Variants in NDRG3 observed in about 807,000 individuals in gnomAD.
NDRG3 encodes protein NDRG3.
Under a neutral mutation model 57.2 loss-of-function variants are expected in NDRG3, and 23 were observed. The ratio of observed to expected loss-of-function variants is 0.40; its 90% CI spans 0.29 to 0.57. NDRG3 has a LOEUF of 0.57. Among genes scored for constraint, NDRG3 ranks in the 20% least tolerant of loss-of-function variants. The pLI, the probability that NDRG3 is intolerant of heterozygous loss-of-function variation, is 0.42. For synonymous variants in NDRG3, 132 were observed against 162.6 expected (o/e 0.81, Z 1.43); for missense variants, 384 against 457.3 (o/e 0.84, Z 1.46).
At chr20:36,709,284 G>A (rs550779771) in intron 2 of NDRG3, among the ~76,000 whole-genome samples, 6 of 152,160 alleles carry the variant, frequency 3.9e-5, no homozygotes, top group Non-Finnish European at 8.8e-5. Context: ...ACATTTCCAT[G>A]ACTGCAGCAA....
intron 1 of NDRG3, among the ~76,000 whole-genome samples, chr20:36,744,196 C>T (rs1224683252): frequency 6.6e-6 from 1 of 152,134 alleles, no homozygotes; most frequent in African/African-American, 2.4e-5. Context: ...GCCGCAGCGC[C>T]CGGTCCATAA....
intron 12 of NDRG3, among the ~76,000 whole-genome samples, chr20:36,660,761 C>G (rs1168404397): frequency 6.6e-6 from 1 of 151,920 alleles, no homozygotes; most frequent in Non-Finnish European, 1.5e-5. Context: ...GGGGTTTCAC[C>G]GTGTTAGCCA....
chr20:36,662,433 GAACTCCTGACCTCAGGTGATCCACC>G (rs1172369756), intron 12 of NDRG3, among the ~76,000 whole-genome samples: 1 of 151,864 alleles, frequency 6.6e-6, no homozygotes, highest in East Asian at 1.9e-4. Context: ...GGCCAGGCTG[GAACTCCTGACCTCAGGTGATCCACC>G]AATCTCGGCC....
intron 2 of NDRG3, 136 bp from the exon 3 acceptor site, chr20:36,707,143 A>C: frequency 1.4e-6 from 1 of 736,226 alleles, no homozygotes; most frequent in Admixed American, 2.2e-5. Context: ...TCTCATCAGA[A>C]GGTTTCAGAG....
intron 1 of NDRG3, among the ~76,000 whole-genome samples, chr20:36,743,232 G>A (rs138095369): frequency 6.6e-6 from 1 of 152,316 alleles, no homozygotes; most frequent in Non-Finnish European, 1.5e-5. Context: ...GGAGGCTCAC[G>A]CCTGTAATCC....
chr20:36,731,125 G>GA (rs1985261258), intron 1 of NDRG3, among the ~76,000 whole-genome samples: 1 of 152,138 alleles, frequency 6.6e-6, no homozygotes, highest in Non-Finnish European at 1.5e-5. Flanking sequence ...AGGAATCCAA[G>GA]AGAGACCTGA....
rs6101827 is a variant in NDRG3, at chr20:36,695,525, G to A, written c.94-6741C>T. On this transcript the variant is annotated intron_variant, in intron 3 of 15. Transcript: ENST00000349004. Reference sequence around the variant, plus strand: ...GAAAAGAACGCATTCCTGGGGGGACGGAGGGGGATCTCTAAAATGGCCGCT... The same window carrying A: ...GAAAAGAACGCATTCCTGGGGGGACAGAGGGGGATCTCTAAAATGGCCGCT... 6.5e-3 allele frequency among the ~76,000 whole-genome samples: 990 copies of A among 152,284 alleles called. 12 individuals are homozygous for A. Among genetic ancestry groups the A allele is most frequent in the African/African-American group, 0.022 (929 of 41,542 alleles).
At chr20:36,723,774 G>A (rs150256836) in intron 1 of NDRG3, among the ~76,000 whole-genome samples, 10 of 149,822 alleles carry the variant, frequency 6.7e-5, no homozygotes, top group Admixed American at 3.4e-4. Context: ...TGGCACAATC[G>A]TGGTTCACTG....
At chr20:36,696,749 C>T (rs1982827049) in intron 3 of NDRG3, among the ~76,000 whole-genome samples, 1 of 152,194 alleles carries the variant, frequency 6.6e-6, no homozygotes, top group Non-Finnish European at 1.5e-5. Context: ...CCTCGGCCTT[C>T]CAAAGTGCTG....
chr20:36,684,387 CATGAAAGACTGCAGAAT>C lies in NDRG3; in HGVS notation c.383+9_383+25del. 6.3e-7 allele frequency: 1 copy of C among 1,593,864 alleles called. No individual in the cohort carries two copies. Among genetic ancestry groups the C allele is most frequent in the Non-Finnish European group, 8.6e-7 (1 of 1,161,664 alleles). ...CACCATAGAAAGTCAATAAAAACTG[CATGAAAGACTGCAGAAT>C]GAACCTACCTTAGGTGGGTAAGAAC... On this transcript the variant is annotated intron_variant, in intron 6 of 15. Coordinates refer to ENST00000349004, the MANE Select transcript of NDRG3 (RefSeq NM_032013.4).
At chr20:36,721,158 A>G (rs1984567790) in intron 2 of NDRG3, among the ~76,000 whole-genome samples, 1 of 152,068 alleles carries the variant, frequency 6.6e-6, no homozygotes, top group Non-Finnish European at 1.5e-5. Flanking sequence ...AATCTCAAAG[A>G]TAACGTGATT....
At chr20:36,702,690 ATT>A (rs35064051) in intron 3 of NDRG3, among the ~76,000 whole-genome samples, 5 of 142,266 alleles carry the variant, frequency 3.5e-5, no homozygotes, top group Non-Finnish European at 4.6e-5. Flanking sequence ...TGCCCAGCTA[ATT>A]TTTTTTTTTT....
At chr20:36,728,685 C>G (rs760086383) in intron 1 of NDRG3, among the ~76,000 whole-genome samples, 3 of 152,100 alleles carry the variant, frequency 2.0e-5, no homozygotes, top group African/African-American at 4.8e-5. Context: ...AATCCAAAAT[C>G]TGAAACACAT....
At chr20:36,689,620 C>T (rs1359430653) in intron 3 of NDRG3, among the ~76,000 whole-genome samples, 1 of 152,066 alleles carries the variant, frequency 6.6e-6, no homozygotes, top group East Asian at 1.9e-4. Flanking sequence ...ATCTTGGCTA[C>T]CATGTTTGTG....
At chr20:36,728,185 C>T (rs1014022660) in intron 1 of NDRG3, among the ~76,000 whole-genome samples, 1 of 152,008 alleles carries the variant, frequency 6.6e-6, no homozygotes, top group Non-Finnish European at 1.5e-5. Context: ...TCCCGAGTAG[C>T]TGGGACTACA....
chr20:36,676,653 G>A (rs1980742687), intron 8 of NDRG3, among the ~76,000 whole-genome samples: 1 of 152,200 alleles, frequency 6.6e-6, no homozygotes, highest in Non-Finnish European at 1.5e-5. Flanking sequence ...AGTAGAAACG[G>A]GGTTTCGCCA....
At chr20:36,698,690 CA>C (rs1195679833) in intron 3 of NDRG3, among the ~76,000 whole-genome samples, 1 of 151,412 alleles carries the variant, frequency 6.6e-6, no homozygotes, top group East Asian at 1.9e-4. Flanking sequence ...TCTATAATGT[CA>C]AAAAAACTGG....
At chr20:36,673,434 T>C (rs1219468736) in intron 8 of NDRG3, among the ~76,000 whole-genome samples, 3 of 152,146 alleles carry the variant, frequency 2.0e-5, no homozygotes, top group Non-Finnish European at 2.9e-5. Flanking sequence ...GGTCTCGTTC[T>C]CTTGTTCTAT....
Position 36,687,699 on chromosome 20 carries a change from T to C in NDRG3, c.200-87A>G. 3.5e-6 allele frequency: 5 copies of C among 1,440,076 alleles called. No individual in the cohort carries two copies. The South Asian group carries it at 6.8e-5, about 20-fold the overall frequency. 89.2% of individuals were successfully genotyped at this position (1,440,076 alleles called of 1,614,324 possible). On this transcript the variant is annotated intron_variant, in intron 4 of 15. Coordinates refer to ENST00000349004, the MANE Select transcript of NDRG3 (RefSeq NM_032013.4). ...TCAGTCAATGCCTATTATCACCTTC[T>C]TTCCCTGCTTTTTAACCACCATTCC... is the stretch of plus-strand genomic sequence containing the variant.
Sources: gnomAD v4.1 joint callset for allele counts (sites outside exome capture counted in the v4.1 genomes callset) on GRCh38, gnomAD v4.1.1 for gene constraint, MANE v1.5 for transcripts, NCBI Gene and HGNC (gene_info 2026-07-23, HGNC 2026-07-21) for gene names.